KCTD16: variants seen among roughly 807,000 people sequenced by gnomAD.
The protein encoded by KCTD16 is BTB/POZ domain-containing protein KCTD16.
Under a neutral mutation model 33.2 loss-of-function variants are expected in KCTD16, and 13 were observed. The observed-to-expected ratio is 0.39, with a 90% CI of 0.25 to 0.62. KCTD16 has a LOEUF of 0.62. KCTD16 is among the 20% of genes least tolerant of loss of function. KCTD16 has a pLI of 0.50. For missense variants in KCTD16, 441 were observed against 525.1 expected (o/e 0.84, Z 1.57); for synonymous variants, 197 against 195.3 (o/e 1.01, Z -0.07).
At chr5:144,447,098 G>A (rs1460532793) in intron 3 of KCTD16, among the ~76,000 whole-genome samples, 1 of 151,894 alleles carries the variant, frequency 6.6e-6, no homozygotes, top group Non-Finnish European at 1.5e-5. Context: ...CTATAAAGAC[G>A]CATAAACACG....
chr5:144,363,703 G>A (rs781097083), intron 3 of KCTD16, among the ~76,000 whole-genome samples: 1 of 152,176 alleles, frequency 6.6e-6, no homozygotes, highest in South Asian at 2.1e-4. Flanking sequence ...GTGCTAAATC[G>A]CCTAGTCTCA....
Position 144,207,514 on chromosome 5 carries a change from T to C in KCTD16, c.800T>C (p.Ile267Thr). ...SFINQYTDDKIWSSYTEYVFY... is the reference protein window; with the variant it reads ...SFINQYTDDKTWSSYTEYVFY... Reference sequence around the variant, plus strand: ...ATCAACCAATATACAGATGACAAGATCTGGTCAAGCTACACTGAATATGTC... The same window carrying C: ...ATCAACCAATATACAGATGACAAGACCTGGTCAAGCTACACTGAATATGTC... The change falls in exon 3 of 4, where the codon ATC becomes ACC. Residue 267 changes from isoleucine to threonine, a missense_variant. This residue lies in a region of KCTD16 where 355 missense variants were observed against 413.0 expected (regional missense o/e 0.86). Transcript: ENST00000512467. The C allele has an allele frequency of 6.2e-7, 1 of 1,613,898 alleles. No homozygotes were observed. The highest frequency in any genetic ancestry group is 8.5e-7 in the Non-Finnish European group (1 of 1,179,928).
At chr5:144,356,439 A>G (rs1277851546) in intron 3 of KCTD16, among the ~76,000 whole-genome samples, 1 of 152,050 alleles carries the variant, frequency 6.6e-6, no homozygotes, top group Non-Finnish European at 1.5e-5. Flanking sequence ...AAACCCATCT[A>G]AATTTCATTG....
chr5:144,220,613 A>G (rs1202159913), intron 3 of KCTD16, among the ~76,000 whole-genome samples: 1 of 151,982 alleles, frequency 6.6e-6, no homozygotes, highest in Non-Finnish European at 1.5e-5. Flanking sequence ...ATATACATGT[A>G]TGTAGGTGTA....
intron 3 of KCTD16, among the ~76,000 whole-genome samples, chr5:144,384,554 ATT>A (rs1417264165): frequency 6.6e-6 from 1 of 152,176 alleles, no homozygotes; most frequent in African/African-American, 2.4e-5. Context: ...TTATTATAAC[ATT>A]GTTTTATTAC....
At chr5:144,383,574 A>T (rs930022981) in intron 3 of KCTD16, among the ~76,000 whole-genome samples, 1 of 151,970 alleles carries the variant, frequency 6.6e-6, no homozygotes, top group Non-Finnish European at 1.5e-5. Context: ...ATTCTAAAGT[A>T]ATTAGAATGA....
At chr5:144,406,704 A>C (rs1580937755) in intron 3 of KCTD16, among the ~76,000 whole-genome samples, 1 of 152,234 alleles carries the variant, frequency 6.6e-6, no homozygotes, top group South Asian at 2.1e-4. Flanking sequence ...CGAATGGAGA[A>C]GCAAGTATGG....
chr5:144,219,993 G>GA (rs997659807), intron 3 of KCTD16, among the ~76,000 whole-genome samples: 108 of 152,260 alleles, frequency 7.1e-4, no homozygotes, highest in African/African-American at 2.6e-3. Flanking sequence ...CCTGGAGACA[G>GA]AAAAAACATA....
At chr5:144,178,013 C>T (rs1468479705) in intron 2 of KCTD16, among the ~76,000 whole-genome samples, 3 of 152,160 alleles carry the variant, frequency 2.0e-5, no homozygotes, top group Non-Finnish European at 4.4e-5. Context: ...GCAATGGAGA[C>T]TTCAACTGCA....
chr5:144,340,377 G>C (rs1280726367), intron 3 of KCTD16, among the ~76,000 whole-genome samples: 1 of 147,686 alleles, frequency 6.8e-6, no homozygotes, highest in Non-Finnish European at 1.5e-5. Flanking sequence ...ACTCCAGCCT[G>C]GGTGACAGAG....
intron 3 of KCTD16, among the ~76,000 whole-genome samples, chr5:144,252,193 A>ATAT (rs1441323784): frequency 6.6e-6 from 1 of 152,170 alleles, no homozygotes; most frequent in African/African-American, 2.4e-5. Context: ...AGCGTGCTGT[A>ATAT]TATTAGATCT....
intron 3 of KCTD16, among the ~76,000 whole-genome samples, chr5:144,272,097 T>C (rs1042097044): frequency 5.3e-5 from 8 of 152,266 alleles, no homozygotes; most frequent in East Asian, 1.9e-4. Context: ...AAGCAATCTA[T>C]AGATTGAATG....
rs368073796 is a variant in KCTD16, at chr5:144,379,568, C to T, written c.833-94092C>T. ...GGGAGCTTGGGGGCATGTTCCAGTC[C>T]TAAATATGGTTGTTATTTTATTTTC... On this transcript the variant is annotated intron_variant, in intron 3 of 3. Coordinates refer to ENST00000512467, the MANE Select transcript of KCTD16 (RefSeq NM_020768.4). Among the ~76,000 whole-genome samples the T allele has an allele frequency of 1.2e-4, 18 of 152,176 alleles. No individual in the cohort carries two copies. The East Asian group carries it at 3.1e-3, about 26-fold the overall frequency.
chr5:144,373,772 C>T (rs1752021976), intron 3 of KCTD16, among the ~76,000 whole-genome samples: 1 of 152,204 alleles, frequency 6.6e-6, no homozygotes, highest in Admixed American at 6.5e-5. Flanking sequence ...CAAATCACAT[C>T]TTCCTGTTTG....
chr5:144,309,872 G>A (rs987642765), intron 3 of KCTD16, among the ~76,000 whole-genome samples: 1 of 151,988 alleles, frequency 6.6e-6, no homozygotes, highest in African/African-American at 2.4e-5. Flanking sequence ...AAGGGTGGGT[G>A]GGGGGACGGC....
In KCTD16 at chr5:144,476,168, G is replaced by C. The variant is rs937623576; in HGVS notation, c.*2054G>C. 3.3e-5 allele frequency: 5 copies of C among 152,160 alleles called. No homozygotes were observed. Among genetic ancestry groups the C allele is most frequent in the African/African-American group, 1.2e-4 (5 of 41,430 alleles). 9.4% of individuals were successfully genotyped at this position (152,160 alleles called of 1,614,324 possible). A position where few individuals can be genotyped will look rare whatever the true frequency, so the allele number is the denominator to read the frequency against. On this transcript the variant is annotated 3_prime_UTR_variant, in exon 4 of 4. Transcript: ENST00000512467. Reference sequence around the variant, plus strand: ...AGAAGATCTTGCAAAGAATCACAGAGCTTAATGGGTCAAGAAGTTGAATTT... The same window carrying C: ...AGAAGATCTTGCAAAGAATCACAGACCTTAATGGGTCAAGAAGTTGAATTT...
At chr5:144,454,263 A>G (rs1410168239) in intron 3 of KCTD16, among the ~76,000 whole-genome samples, 2 of 152,200 alleles carry the variant, frequency 1.3e-5, no homozygotes, top group Non-Finnish European at 2.9e-5. Flanking sequence ...TTTATGCAGA[A>G]CCTTCCATAT....
intron 3 of KCTD16, among the ~76,000 whole-genome samples, chr5:144,313,457 T>C (rs911121095): frequency 4.6e-5 from 7 of 152,148 alleles, no homozygotes; most frequent in African/African-American, 1.7e-4. Flanking sequence ...CACCTGTGAT[T>C]GGACATGAAA....
At chr5:144,277,903 TA>T (rs1457646007) in intron 3 of KCTD16, among the ~76,000 whole-genome samples, 1 of 152,298 alleles carries the variant, frequency 6.6e-6, no homozygotes, top group East Asian at 1.9e-4. Context: ...TTTTGAGATT[TA>T]AAAAAATATA....
Sources: gnomAD v4.1 joint callset for allele counts (sites outside exome capture counted in the v4.1 genomes callset) on GRCh38, gnomAD v4.1.1 for gene constraint, gnomAD v4.1.1 regional missense constraint, MANE v1.5 for transcripts, NCBI Gene and HGNC (gene_info 2026-07-23, HGNC 2026-07-21) for gene names.